COPG1: variants seen among roughly 807,000 people sequenced by gnomAD.
The protein encoded by COPG1 is coatomer subunit gamma-1.
A neutral mutation model predicts 102.8 loss-of-function variants in COPG1; 29 were observed. The ratio of observed to expected loss-of-function variants is 0.28; its 90% CI spans 0.21 to 0.38. COPG1 has a LOEUF of 0.38. COPG1 is among the 10% of genes least tolerant of loss of function. COPG1 has a pLI of 1.00. For missense variants in COPG1, 875 were observed against 1,132.7 expected (o/e 0.77, Z 3.27); for synonymous variants, 406 against 421.6 (o/e 0.96, Z 0.45).
At chr3:129,273,053 T>C (rs945138373) in intron 21 of COPG1, 149 bp downstream of exon 21, 27 of 406,304 alleles carry the variant, frequency 6.6e-5, no homozygotes, top group Non-Finnish European at 9.0e-5. Flanking sequence ...ATGAAGTTTC[T>C]CTTTTGTTAC....
At chr3:129,249,815 T>C (rs1939654391) in intron 1 of COPG1, 69 bp downstream of exon 1, 1 of 1,505,442 alleles carries the variant, frequency 6.6e-7, no homozygotes, top group South Asian at 1.2e-5. Flanking sequence ...TCTGGTTCTC[T>C]GTCCTGACCC....
At chr3:129,260,510 T>C in intron 11 of COPG1, 109 bp from the exon 12 acceptor site, 1 of 1,510,180 alleles carries the variant, frequency 6.6e-7, no homozygotes, top group Non-Finnish European at 9.1e-7. Context: ...GTTAGTTTCT[T>C]CTAGATGGTG....
At chr3:129,268,699 C>G in intron 17 of COPG1, 79 bp downstream of exon 17, 1 of 1,519,712 alleles carries the variant, frequency 6.6e-7, no homozygotes, top group South Asian at 1.2e-5. Flanking sequence ...AAGCCACTAA[C>G]CTAACTAGGG....
intron 15 of COPG1, 131 bp downstream of exon 15, chr3:129,267,230 GAGAA>G (rs1409175102): frequency 4.7e-6 from 3 of 643,876 alleles, no homozygotes; most frequent in South Asian, 2.0e-5. Flanking sequence ...AGAAAAAAAA[GAGAA>G]AGCATAGAAA....
In COPG1 at chr3:129,265,695, T is replaced by C; in HGVS notation, c.1371T>C (p.His457=). 6.2e-7 allele frequency: 1 copy of C among 1,614,146 alleles called. No homozygotes were observed. The highest frequency in any genetic ancestry group is 8.5e-7 in the Non-Finnish European group (1 of 1,180,032). Reference sequence around the variant, plus strand: ...CAGTGCTGGCCACCCGTATTCTACATCTCCTGGGCCAGGAGGGGCCCAAGA... The same window carrying C: ...CAGTGCTGGCCACCCGTATTCTACACCTCCTGGGCCAGGAGGGGCCCAAGA... ...EFTVLATRIL[H]LLGQEGPKTT... The change falls in exon 14 of 24, where the codon CAT becomes CAC. Residue 457 remains histidine, a synonymous_variant. Transcript: ENST00000314797.
At chr3:129,260,207 G>A in intron 10 of COPG1, 126 bp from the exon 11 acceptor site, 2 of 828,450 alleles carry the variant, frequency 2.4e-6, no homozygotes, top group Non-Finnish European at 4.0e-6. Context: ...TGTGTCTTGG[G>A]TTGGGATGGG....
chr3:129,277,189 CACT>C (rs1189981269), intron 23 of COPG1, 102 bp from the exon 24 acceptor site: 9 of 1,190,888 alleles, frequency 7.6e-6, no homozygotes, highest in Non-Finnish European at 1.1e-5. Context: ...CTGCCCGTTT[CACT>C]ACACCAGAGC....
rs552146044 is a variant in COPG1, at chr3:129,255,719, G to A, written c.493-349G>A. Among the ~76,000 whole-genome samples, 3 of 143,128 alleles carry A rather than the reference G, an allele frequency of 2.1e-5. No individual in the cohort carries two copies. The East Asian group carries it at 6.4e-4, about 30-fold the overall frequency. The allele number at this position is 143,128 out of a possible 152,430, so 93.9% of individuals were successfully genotyped here. On this transcript the variant is annotated intron_variant, in intron 7 of 23. Transcript: ENST00000314797. ...GCTGGTCTTGAGCTCCTGACTTCAA[G>A]TGATCCACCCGCCTCGGCCTCCCAA...
rs529759064 is a variant in COPG1 at position 129,271,836 on chromosome 3, C to A, written c.1913C>A (p.Ala638Asp). 34 of 1,614,204 alleles carry A rather than the reference C, an allele frequency of 2.1e-5. No homozygotes were observed. In the South Asian group the frequency reaches 3.7e-4, roughly 18 times the overall value. ...PLFKSSPEPVALTESETEYVI... is the reference protein window; with the variant it reads ...PLFKSSPEPVDLTESETEYVI... ...TTCAAGTCCTCGCCTGAGCCCGTGG[C>A]CCTCACCGAGTCAGAGACGGAGTAT... Residue 638 changes from alanine to aspartate, a missense_variant, in exon 19 of 24, where the codon GCC (alanine) becomes GAC (aspartate). Physicochemically the swap from Ala to Asp is moderately radical, Grantham distance 126. Coordinates refer to ENST00000314797, the MANE Select transcript of COPG1 (RefSeq NM_016128.4). This position sits in a 1 kb window ranked among gnomAD's most constrained non-coding sequence, Gnocchi z 4.7.
At chr3:129,260,077 A>G (rs889470049) in intron 10 of COPG1, 9 of 533,700 alleles carry the variant, frequency 1.7e-5, no homozygotes, top group African/African-American at 1.3e-4. Context: ...TCCACTGTAT[A>G]GCACAGCACC....
chr3:129,261,537 A>T (rs1178332175), intron 12 of COPG1, among the ~76,000 whole-genome samples: 2 of 152,164 alleles, frequency 1.3e-5, no homozygotes, highest in East Asian at 3.9e-4. Context: ...AAGGATGTGA[A>T]TATTTTTTGA....
intron 10 of COPG1, among the ~76,000 whole-genome samples, chr3:129,259,467 AAAAAAAAAAAAAAG>A (rs1560064149): frequency 6.7e-6 from 1 of 149,882 alleles, no homozygotes; most frequent in African/African-American, 2.5e-5. Context: ...TCTCAAAAAA[AAAAAAAAAAAAAAG>A]AAATGGAAAA....
At position 129,254,729 on chromosome 3, in the gene COPG1, T is replaced by C. The variant is rs1939770862; in HGVS notation, c.385T>C (p.Cys129Arg). 1 of 1,614,068 alleles carries C rather than the reference T, an allele frequency of 6.2e-7. No individual in the cohort carries two copies. Among genetic ancestry groups the C allele is most frequent in the Non-Finnish European group, 8.5e-7 (1 of 1,179,898 alleles). Residue 129 changes from cysteine (C) to arginine (R), a missense_variant, in exon 6 of 24, where the codon TGC (cysteine) becomes CGC (arginine). Coordinates refer to ENST00000314797, the MANE Select transcript of COPG1 (RefSeq NM_016128.4). ...CCGGGGCCCGGCCGTGCGAGCCCTCTGCCAGATCACTGATGTGAGTCGTGC... is the reference window on the plus strand; with the variant it reads ...CCGGGGCCCGGCCGTGCGAGCCCTCCGCCAGATCACTGATGTGAGTCGTGC... ...NYRGPAVRAL[C>R]QITDSTMLQA...
At chr3:129,251,931 C>T (rs571442977) in intron 2 of COPG1, among the ~76,000 whole-genome samples, 7 of 152,158 alleles carry the variant, frequency 4.6e-5, no homozygotes, top group East Asian at 3.9e-4. Context: ...GTGATCCACC[C>T]GCCTCGGCCT....
At chr3:129,267,869 G>A (rs1940098612) in intron 15 of COPG1, 68 bp from the exon 16 acceptor site, 2 of 1,238,972 alleles carry the variant, frequency 1.6e-6, no homozygotes, top group Non-Finnish European at 2.4e-6. Flanking sequence ...CTCTAATGAA[G>A]CCATGCAGGA....
Position 129,252,676 on chromosome 3 carries a change from G to A in COPG1, c.225G>A (p.Lys75=), listed in dbSNP as rs143244455. The change falls in exon 4 of 24, where the codon AAG becomes AAA. Residue 75 remains lysine (K), a synonymous_variant. Coordinates refer to ENST00000314797, the MANE Select transcript of COPG1 (RefSeq NM_016128.4). ...EATEAFFAMT[K]LFQSNDPTLR... ...CCGAGGCCTTCTTTGCCATGACCAAGCTCTTTCAGTCCAATGATGTAAGTG... is the reference window on the plus strand; with the variant it reads ...CCGAGGCCTTCTTTGCCATGACCAAACTCTTTCAGTCCAATGATGTAAGTG... 3 of 1,614,048 alleles carry A rather than the reference G, an allele frequency of 1.9e-6. No homozygotes were observed. Among genetic ancestry groups the A allele is most frequent in the Non-Finnish European group, 2.5e-6 (3 of 1,180,000 alleles).
chr3:129,262,524 A>T (rs2107675969), intron 12 of COPG1, among the ~76,000 whole-genome samples: 1 of 152,126 alleles, frequency 6.6e-6, no homozygotes, highest in Non-Finnish European at 1.5e-5. Flanking sequence ...AAGTGCTGGG[A>T]TTACAGACGT....
intron 10 of COPG1, among the ~76,000 whole-genome samples, chr3:129,258,291 CA>C (rs925509306): frequency 2.6e-5 from 4 of 152,234 alleles, no homozygotes; most frequent in Non-Finnish European, 4.4e-5. Context: ...TGCCCCTTAC[CA>C]ACTGGGCAAG....
rs1306570658 is a variant in COPG1 at position 129,272,860 on chromosome 3, A to C, written c.2212A>C (p.Thr738Pro). Residue 738 changes from threonine (T) to proline (P), a missense_variant, in exon 21 of 24, where the codon ACC (threonine) becomes CCC (proline). Thr to Pro is a conservative substitution (Grantham distance 38). Transcript: ENST00000314797. ...GTTCACTGTCAAGGACTGTGATCCC[A>C]CCACTGGGGAGACTGATGACGAAGG... Reference protein sequence around the residue: ...MKFTVKDCDPTTGETDDEGYE... With the variant: ...MKFTVKDCDPPTGETDDEGYE... 1.2e-6 allele frequency: 2 copies of C among 1,612,932 alleles called. No homozygotes were observed. Among genetic ancestry groups the C allele is most frequent in the East Asian group, 4.5e-5 (2 of 44,868 alleles).
Sources: allele counts gnomAD v4.1 joint callset (sites outside exome capture counted in the v4.1 genomes callset), GRCh38; gene constraint gnomAD v4.1.1; non-coding constraint Gnocchi (gnomAD v3.1); transcripts MANE v1.5; gene names NCBI Gene and HGNC (gene_info 2026-07-23, HGNC 2026-07-21).